AGAP1: variants seen among roughly 807,000 people sequenced by gnomAD.
AGAP1 encodes arf-GAP with GTPase, ANK repeat and PH domain-containing protein 1.
AGAP1 carries 29 observed loss-of-function variants against 105.3 expected under a neutral mutation model. The observed-to-expected ratio is 0.28, with a 90% CI of 0.21 to 0.38. AGAP1 has a LOEUF of 0.38. AGAP1 is among the 10% of genes least tolerant of loss of function. AGAP1 has a pLI of 1.00. For synonymous variants in AGAP1, 509 were observed against 485.9 expected, an observed-to-expected ratio of 1.05 and a Z score of -0.63; for missense variants, 998 against 1,165.1, an observed-to-expected ratio of 0.86 and a Z score of 2.09.
intron 1 of AGAP1, among the ~76,000 whole-genome samples, chr2:235,516,055 TCTGCTGCTGCTGCTGCTG>T (rs112761133): frequency 3.7e-4 from 52 of 138,712 alleles, no homozygotes; most frequent in Admixed American, 5.6e-4. Flanking sequence ...CATGGGCTCC[TCTGCTGCTGCTGCTGCTG>T]CTGCTGCTGC....
chr2:235,871,528 A>G (rs746013091), intron 9 of AGAP1, among the ~76,000 whole-genome samples: 5 of 152,260 alleles, frequency 3.3e-5, no homozygotes, highest in South Asian at 4.1e-4. Context: ...ACTTCCACTC[A>G]TGCTTCTTAC....
Position 235,599,642 on chromosome 2 carries a change from C to G in AGAP1, c.163+104793C>G, listed in dbSNP as rs998557399. On this transcript the variant is annotated intron_variant, in intron 1 of 17. Transcript: ENST00000304032. This position sits in a 1 kb window ranked among gnomAD's most constrained non-coding sequence, Gnocchi z 5.3. ...GCTCCGGAAGTTCCTGGGAGTGGCT[C>G]GTAGAGCCTGTTTTCATCCTTCAGA... Among the ~76,000 whole-genome samples the G allele has an allele frequency of 1.8e-4, 28 of 152,286 alleles. No individual in the cohort carries two copies. Among genetic ancestry groups the G allele is most frequent in the East Asian group, 1.2e-3 (6 of 5,160 alleles).
rs1462292698 is a variant in AGAP1, at chr2:235,658,576, C to G, written c.164-50603C>G. On this transcript the variant is annotated intron_variant, in intron 1 of 17. Coordinates refer to ENST00000304032, the MANE Select transcript of AGAP1 (RefSeq NM_001037131.3). ...GGTGAGAGGGTGCTGGGGGCACGTGCCCAGCAGGGGTGGAGGGGTGGACAG... is the reference window on the plus strand; with the variant it reads ...GGTGAGAGGGTGCTGGGGGCACGTGGCCAGCAGGGGTGGAGGGGTGGACAG... Among the ~76,000 whole-genome samples the G allele has an allele frequency of 7.2e-5, 11 of 152,160 alleles. 1 individual carries two copies. The South Asian group carries it at 1.9e-3, about 26-fold the overall frequency.
At chr2:236,032,815 A>G (rs765222510) in intron 13 of AGAP1, among the ~76,000 whole-genome samples, 6 of 152,180 alleles carry the variant, frequency 3.9e-5, no homozygotes, top group Non-Finnish European at 8.8e-5. Flanking sequence ...GACCAGGTAA[A>G]GGATGCAGAG....
chr2:235,776,945 G>A (rs1273652573), intron 6 of AGAP1: 3 of 471,002 alleles, frequency 6.4e-6, no homozygotes, highest in Non-Finnish European at 1.3e-5. Context: ...GAAAAGCTGG[G>A]GCCGTGCTCA....
rs1414977827 is a variant in AGAP1, at chr2:235,750,301, TA to T, written c.539-52del. 30 of 1,608,876 alleles carry T rather than the reference TA, an allele frequency of 1.9e-5. No individual in the cohort carries two copies. In the East Asian group the frequency reaches 6.3e-4, roughly 34 times the overall value. On this transcript the variant is annotated intron_variant, in intron 5 of 17. Transcript: ENST00000304032. This position sits in a 1 kb window ranked among gnomAD's most constrained non-coding sequence, Gnocchi z 5.3. The stretch of plus-strand genomic sequence containing the variant: ...TCCGTGTTGTGGGGAGTGTAGGAAG[TA>T]TTTAGAGCTGTCATTGTCACTGTGC...
At chr2:236,069,392 A>G (rs1239906996) in intron 16 of AGAP1, among the ~76,000 whole-genome samples, 1 of 152,198 alleles carries the variant, frequency 6.6e-6, no homozygotes, top group African/African-American at 2.4e-5. Context: ...CATTATTTAT[A>G]CATATGAGCA....
At chr2:235,643,431 CAAAAAAAAAAAAAAA>C (rs56146940) in intron 1 of AGAP1, among the ~76,000 whole-genome samples, 5 of 61,418 alleles carry the variant, frequency 8.1e-5, no homozygotes, top group Admixed American at 2.6e-4. Context: ...GACTGGGTCT[CAAAAAAAAAAAAAAA>C]AAAAAAAAAA....
In AGAP1 at chr2:235,883,277, C is replaced by T. The variant is rs2050120132; in HGVS notation, c.1051-68C>T. The stretch of plus-strand genomic sequence containing the variant: ...ACACAGAACTTGAATGTATATGTTG[C>T]CTGTGTACCTGCCTTTTCTTTTTTT... On this transcript the variant is annotated intron_variant, in intron 9 of 17. Coordinates refer to ENST00000304032, the MANE Select transcript of AGAP1 (RefSeq NM_001037131.3). The surrounding 1 kb of genome is among the most constrained non-coding windows in gnomAD (Gnocchi z 4.5). 1 of 1,358,890 alleles carries T rather than the reference C, an allele frequency of 7.4e-7. No homozygotes were observed. Among genetic ancestry groups the T allele is most frequent in the South Asian group, 1.2e-5 (1 of 84,160 alleles). 84.2% of individuals were successfully genotyped at this position (1,358,890 alleles called of 1,614,324 possible).
chr2:235,666,201 A>T (rs1043684167), intron 1 of AGAP1, among the ~76,000 whole-genome samples: 2 of 151,970 alleles, frequency 1.3e-5, no homozygotes, highest in Non-Finnish European at 2.9e-5. Context: ...AGTGAAATCA[A>T]CTACATGCTT....
intron 13 of AGAP1, among the ~76,000 whole-genome samples, chr2:236,030,465 G>T (rs111347369): frequency 3.3e-4 from 50 of 152,332 alleles, no homozygotes; most frequent in African/African-American, 1.1e-3. Context: ...CTGAGACCTG[G>T]GGCCTCCCGG....
intron 11 of AGAP1, among the ~76,000 whole-genome samples, chr2:235,928,969 A>C (rs2052586920): frequency 6.6e-6 from 1 of 152,176 alleles, no homozygotes; most frequent in Non-Finnish European, 1.5e-5. Flanking sequence ...GTCATTCAAG[A>C]TGTGGGCTCC....
intron 6 of AGAP1, among the ~76,000 whole-genome samples, chr2:235,781,233 A>C (rs1956242043): frequency 6.6e-6 from 1 of 152,212 alleles, no homozygotes. Flanking sequence ...AAAAGTAATA[A>C]AACTAAAGTC....
rs918837790 is a variant in AGAP1, at chr2:235,960,181, C to A, written c.1484-8281C>A. 1.3e-5 allele frequency among the ~76,000 whole-genome samples: 2 copies of A among 152,228 alleles called. No individual in the cohort carries two copies. The highest frequency in any genetic ancestry group is 6.5e-5 in the Admixed American group (1 of 15,290). ...TGTAAGCAGCAGATCAGAGCGTGGG[C>A]TGGTGCTGCTTCCAGGATCACAGGT... On this transcript the variant is annotated intron_variant, in intron 12 of 17. Transcript: ENST00000304032. The surrounding 1 kb of genome is among the most constrained non-coding windows in gnomAD (Gnocchi z 4.9).
In AGAP1 at chr2:235,555,575, G is replaced by A. The variant is rs1223282091; in HGVS notation, c.163+60726G>A. 1.3e-5 allele frequency among the ~76,000 whole-genome samples: 2 copies of A among 152,348 alleles called. No individual in the cohort carries two copies. Among genetic ancestry groups the A allele is most frequent in the East Asian group, 3.9e-4 (2 of 5,176 alleles). ...CGCCAGCTGTCCTGCAGCAGGAAGA[G>A]GTAGTCATGTTTGGAGGCCGGGCTG... On this transcript the variant is annotated intron_variant, in intron 1 of 17. Transcript: ENST00000304032. This position sits in a 1 kb window ranked among gnomAD's most constrained non-coding sequence, Gnocchi z 5.1.
chr2:235,521,738 A>G (rs200784555), intron 1 of AGAP1, among the ~76,000 whole-genome samples: 11,365 of 116,608 alleles, frequency 0.097, 653 homozygotes, highest in East Asian at 0.32. Context: ...TGTTTGTTAT[A>G]TATATGTGTG....
chr2:235,653,320 CT>C (rs1262762767), intron 1 of AGAP1, among the ~76,000 whole-genome samples: 1 of 151,572 alleles, frequency 6.6e-6, no homozygotes, highest in African/African-American at 2.4e-5. Flanking sequence ...AAAAATTAGC[CT>C]GGTGTGGTGG....
At position 235,733,411 on chromosome 2, in the gene AGAP1, G is replaced by A. The variant is rs3108503; in HGVS notation, c.311-7552G>A. Among the ~76,000 whole-genome samples the A allele has an allele frequency of 6.6e-6, 1 of 152,104 alleles. No individual in the cohort carries two copies. Among genetic ancestry groups the A allele is most frequent in the Non-Finnish European group, 1.5e-5 (1 of 68,016 alleles). ...GTTGTAGGAGAGATGAGGAGCCTCC[G>A]CCCAGCTCAAATCTTCCTTTTTGTT... On this transcript the variant is annotated intron_variant, in intron 3 of 17. Coordinates refer to ENST00000304032, the MANE Select transcript of AGAP1 (RefSeq NM_001037131.3). This position sits in a 1 kb window ranked among gnomAD's most constrained non-coding sequence, Gnocchi z 5.0.
intron 1 of AGAP1, among the ~76,000 whole-genome samples, chr2:235,652,969 G>A (rs889084179): frequency 6.6e-6 from 1 of 152,060 alleles, no homozygotes; most frequent in Non-Finnish European, 1.5e-5. Flanking sequence ...GCCAGACTCT[G>A]TCTCGAAAAA....
Sources: allele counts gnomAD v4.1 joint callset (sites outside exome capture counted in the v4.1 genomes callset), GRCh38; gene constraint gnomAD v4.1.1; non-coding constraint Gnocchi (gnomAD v3.1); transcripts MANE v1.5; gene names NCBI Gene and HGNC (gene_info 2026-07-23, HGNC 2026-07-21).